Variants in PUM2 observed in about 807,000 individuals in gnomAD.
PUM2 encodes pumilio homolog 2.
In PUM2, 57 loss-of-function variants were observed where a neutral mutation model predicts 124.5. The observed-to-expected ratio is 0.46, with a 90% CI of 0.37 to 0.57. The LOEUF (loss-of-function observed/expected upper bound fraction) is 0.57. Among genes scored for constraint, PUM2 ranks in the 20% least tolerant of loss-of-function variants. The pLI, the probability that PUM2 is intolerant of heterozygous loss-of-function variation, is 0.00. For synonymous variants in PUM2, 460 were observed against 446.1 expected, an observed-to-expected ratio of 1.03 and a Z score of -0.39; for missense variants, 1,065 against 1,290.6, an observed-to-expected ratio of 0.83 and a Z score of 2.68.
At chr2:20,312,208 T>C in intron 4 of PUM2, 28 bp downstream of exon 4, 1 of 1,529,046 alleles carries the variant, frequency 6.5e-7, no homozygotes, top group Non-Finnish European at 8.9e-7. Context: ...AAGCAAATAT[T>C]AAATATTTCT....
chr2:20,310,115 T>C (rs1417218700), intron 5 of PUM2, among the ~76,000 whole-genome samples: 1 of 152,088 alleles, frequency 6.6e-6, no homozygotes, highest in African/African-American at 2.4e-5. Flanking sequence ...TGATGACATA[T>C]TAGTTAATGT....
chr2:20,278,568 T>C lies in PUM2; in HGVS notation c.1957+15A>G, dbSNP rs1329511010. ...GTATACATACAAATAAAAAGGGTTT[T>C]GGTTTTTTTTTTACCTAAATGCAAA... On this transcript the variant is annotated intron_variant, in intron 13 of 20. Coordinates refer to ENST00000361078, the MANE Select transcript of PUM2 (RefSeq NM_015317.5). 1 of 1,563,152 alleles carries C rather than the reference T, an allele frequency of 6.4e-7. No homozygotes were observed.
chr2:20,276,401 T>A (rs183114996), intron 13 of PUM2, among the ~76,000 whole-genome samples: 1 of 152,108 alleles, frequency 6.6e-6, no homozygotes, highest in Admixed American at 6.5e-5. Context: ...GTTGTAACAT[T>A]CACATCTTAA....
chr2:20,350,892 G>A (rs1365376602), upstream of PUM2: 7 of 632,730 alleles, frequency 1.1e-5, no homozygotes, highest in South Asian at 2.1e-4. Context: ...AGAAAGGGGA[G>A]GGGGAGCGCT....
intron 7 of PUM2, among the ~76,000 whole-genome samples, chr2:20,304,027 C>A (rs748610827): frequency 1.3e-5 from 2 of 152,190 alleles, no homozygotes; most frequent in Non-Finnish European, 2.9e-5. Flanking sequence ...CATTATCTTA[C>A]ATGAGAGTTT....
intron 3 of PUM2, among the ~76,000 whole-genome samples, chr2:20,317,271 A>G (rs1681192318): frequency 6.6e-6 from 1 of 152,132 alleles, no homozygotes; most frequent in East Asian, 1.9e-4. Context: ...TATACTCCTT[A>G]TACACCAGTT....
chr2:20,299,270 G>T (rs1676382589), intron 7 of PUM2, among the ~76,000 whole-genome samples: 1 of 152,076 alleles, frequency 6.6e-6, no homozygotes, highest in Non-Finnish European at 1.5e-5. Context: ...CTGAATTAGA[G>T]GACACCCAGC....
At chr2:20,258,163 A>ATT (rs773376237) in intron 16 of PUM2, 80 bp downstream of exon 16, 4 of 1,303,006 alleles carry the variant, frequency 3.1e-6, no homozygotes, top group Non-Finnish European at 4.1e-6. Context: ...TCACTTCAAG[A>ATT]TTACTGTAAG....
intron 13 of PUM2, among the ~76,000 whole-genome samples, chr2:20,263,782 A>C (rs532700796): frequency 6.6e-6 from 1 of 152,208 alleles, no homozygotes; most frequent in African/African-American, 2.4e-5. Flanking sequence ...CAAAATTTTC[A>C]GTTACATTAA....
chr2:20,349,581 A>G (rs1558703561), intron 1 of PUM2, among the ~76,000 whole-genome samples: 1 of 152,040 alleles, frequency 6.6e-6, no homozygotes, highest in Admixed American at 6.6e-5. Flanking sequence ...TCACATGGTG[A>G]AGAGTCACCT....
At chr2:20,289,307 T>C (rs1444374993) in intron 10 of PUM2, among the ~76,000 whole-genome samples, 2 of 151,796 alleles carry the variant, frequency 1.3e-5, no homozygotes. Context: ...GCAGGAAAAA[T>C]TGTTGTACTC....
chr2:20,251,749 A>C, intron 20 of PUM2, 33 bp from the exon 21 acceptor site: 1 of 1,601,498 alleles, frequency 6.2e-7, no homozygotes, highest in Non-Finnish European at 8.5e-7. Context: ...AGAAAATCTA[A>C]GTCATTTTAG....
intron 2 of PUM2, among the ~76,000 whole-genome samples, chr2:20,326,049 C>T (rs1683597043): frequency 6.6e-6 from 1 of 152,102 alleles, no homozygotes; most frequent in Non-Finnish European, 1.5e-5. Context: ...AAAGTAGTGG[C>T]CAGGAAAGAA....
chr2:20,281,393 T>C (rs1045501944), intron 12 of PUM2, among the ~76,000 whole-genome samples: 1 of 152,078 alleles, frequency 6.6e-6, no homozygotes. Context: ...TTTGAAAGAA[T>C]TGAGTAGGGG....
intron 8 of PUM2, among the ~76,000 whole-genome samples, chr2:20,295,018 T>C (rs577026125): frequency 3.3e-5 from 5 of 152,340 alleles, no homozygotes; most frequent in South Asian, 2.1e-4. Flanking sequence ...TTTTAAAATA[T>C]TTTTCATATT....
At position 20,318,579 on chromosome 2, in the gene PUM2, G is replaced by T. The variant is rs199538068; in HGVS notation, c.118C>A (p.Leu40Ile). 970 of 1,613,608 alleles carry T rather than the reference G, an allele frequency of 6.0e-4. 4 individuals carry two copies. Among genetic ancestry groups the T allele is most frequent in the Admixed American group, 2.7e-4 (16 of 60,004 alleles). The change falls in exon 3 of 21, where the codon CTT becomes ATT. Residue 40 changes from leucine (L) to isoleucine (I), a missense_variant. Coordinates refer to ENST00000361078, the MANE Select transcript of PUM2 (RefSeq NM_015317.5). The part of the protein sequence containing the change: ...STKDGQKGIF[L>I]GDDEWRETAW... ...GTCTCTCTCCATTCATCATCCCCAAGAAATATGCCTTTTTGTCCATCTTTT... is the reference window on the plus strand; with the variant it reads ...GTCTCTCTCCATTCATCATCCCCAATAAATATGCCTTTTTGTCCATCTTTT...
chr2:20,333,513 A>C (rs1179094885), intron 1 of PUM2, among the ~76,000 whole-genome samples: 2 of 152,260 alleles, frequency 1.3e-5, no homozygotes, highest in East Asian at 3.9e-4. Context: ...TCTCAAAAAA[A>C]GAAAAGCAAC....
At chr2:20,326,486 T>A in intron 2 of PUM2, 1 of 1,072,534 alleles carries the variant, frequency 9.3e-7, no homozygotes, top group Non-Finnish European at 1.3e-6. Context: ...ACATCTTAGG[T>A]CTGTTCACTG....
chr2:20,260,241 A>C, intron 15 of PUM2, 96 bp downstream of exon 15: 2 of 1,270,306 alleles, frequency 1.6e-6, no homozygotes, highest in Non-Finnish European at 2.1e-6. Flanking sequence ...ATCTTTTTTT[A>C]TATGAAAATG....
Sources: allele counts gnomAD v4.1 joint callset (sites outside exome capture counted in the v4.1 genomes callset), GRCh38; gene constraint gnomAD v4.1.1; transcripts MANE v1.5; gene names NCBI Gene and HGNC (gene_info 2026-07-23, HGNC 2026-07-21).